TMCC3: variants seen among roughly 807,000 people sequenced by gnomAD.
TMCC3 encodes transmembrane and coiled-coil domain protein 3.
TMCC3 carries 28 observed loss-of-function variants against 40.2 expected under a neutral mutation model. That is an observed-to-expected ratio of 0.70 (90% CI 0.52 to 0.95). TMCC3 has a LOEUF of 0.95. Ranked by LOEUF, TMCC3 falls within the 40% of genes least tolerant of loss-of-function variation. TMCC3 has a pLI of 0.00. For synonymous variants in TMCC3, 255 were observed against 248.5 expected, an observed-to-expected ratio of 1.03 and a Z score of -0.25; for missense variants, 554 against 615.2, an observed-to-expected ratio of 0.90 and a Z score of 1.05.
At chr12:94,633,679 T>C (rs899396328) in intron 1 of TMCC3, among the ~76,000 whole-genome samples, 2 of 152,182 alleles carry the variant, frequency 1.3e-5, no homozygotes, top group Non-Finnish European at 2.9e-5. Flanking sequence ...ACAGCAATCA[T>C]AAACTTAGGA....
intron 1 of TMCC3, chr12:94,590,679 C>A: frequency 3.8e-6 from 1 of 265,384 alleles, no homozygotes. Context: ...CATGGCCCCA[C>A]AGTGGGGTAC....
intron 1 of TMCC3, among the ~76,000 whole-genome samples, chr12:94,588,689 A>AT (rs1362527192): frequency 6.6e-6 from 1 of 152,180 alleles, no homozygotes; most frequent in African/African-American, 2.4e-5. Flanking sequence ...TATCACTGAC[A>AT]TTTTTTACTA....
At chr12:94,600,679 C>A (rs183965941) in intron 1 of TMCC3, among the ~76,000 whole-genome samples, 9 of 152,304 alleles carry the variant, frequency 5.9e-5, no homozygotes, top group Non-Finnish European at 1.2e-4. Flanking sequence ...CCCTTCCGGA[C>A]ACAGCATCTC....
chr12:94,628,474 C>T (rs939072000), intron 1 of TMCC3, among the ~76,000 whole-genome samples: 6 of 152,180 alleles, frequency 3.9e-5, no homozygotes, highest in African/African-American at 7.2e-5. Flanking sequence ...GACAGGCACA[C>T]GGGTTCAATT....
chr12:94,644,113 A>G (rs545182793), intron 1 of TMCC3, among the ~76,000 whole-genome samples: 1 of 152,320 alleles, frequency 6.6e-6, no homozygotes, highest in South Asian at 2.1e-4. Flanking sequence ...TAATCCACAA[A>G]TATACTATGG....
At chr12:94,585,988 A>C (rs1217013732) in intron 1 of TMCC3, among the ~76,000 whole-genome samples, 1 of 152,172 alleles carries the variant, frequency 6.6e-6, no homozygotes, top group African/African-American at 2.4e-5. Context: ...TCTTTATTCC[A>C]AGGAGTCTGC....
rs377150992 is a variant in TMCC3 at position 94,581,692 on chromosome 12, C to T, written c.925G>A (p.Glu309Lys). Reference protein sequence around the residue: ...DTQAQLAEDIEALKVQFKREY... With the variant: ...DTQAQLAEDIKALKVQFKREY... ...CTCTTAAACTGCACCTTCAGTGCCT[C>T]GATGTCCTCAGCCAGCTGAGCTTGG... Residue 309 changes from glutamate to lysine, a missense_variant, in exon 2 of 4, where the codon GAG becomes AAG. By Grantham distance (56) the Glu-to-Lys change is moderately conservative. Coordinates refer to ENST00000261226, the MANE Select transcript of TMCC3 (RefSeq NM_020698.4). The T allele has an allele frequency of 1.9e-5, 31 of 1,614,056 alleles. No homozygotes were observed. Among genetic ancestry groups the T allele is most frequent in the African/African-American group, 1.2e-4 (9 of 74,942 alleles).
At chr12:94,580,128 T>C (rs1254217985) in intron 2 of TMCC3, among the ~76,000 whole-genome samples, 1 of 152,246 alleles carries the variant, frequency 6.6e-6, no homozygotes, top group Non-Finnish European at 1.5e-5. Flanking sequence ...TTTAATGTTA[T>C]AGTATGTAAT....
At chr12:94,612,532 G>A (rs1044437075) in intron 1 of TMCC3, among the ~76,000 whole-genome samples, 2 of 152,026 alleles carry the variant, frequency 1.3e-5, no homozygotes, top group African/African-American at 4.8e-5. Context: ...GGCTGGTCAC[G>A]ATCTCTTGAC....
At chr12:94,650,300 G>A in intron 1 of TMCC3, 53 bp downstream of exon 1, 2 of 1,140,346 alleles carry the variant, frequency 1.8e-6, no homozygotes, top group Non-Finnish European at 1.1e-6. Context: ...GCCCCAGCCC[G>A]CCTCGCCCCC....
intron 1 of TMCC3, among the ~76,000 whole-genome samples, chr12:94,624,205 C>T (rs1328148442): frequency 6.6e-6 from 1 of 152,198 alleles, no homozygotes; most frequent in Non-Finnish European, 1.5e-5. Flanking sequence ...GGTGCAACCA[C>T]TTTGGAAAAC....
At position 94,571,199 on chromosome 12, in the gene TMCC3, T is replaced by C. The variant is rs1343533265; in HGVS notation, c.*236A>G. 2 of 531,128 alleles carry C rather than the reference T, an allele frequency of 3.8e-6. No individual in the cohort carries two copies. Among genetic ancestry groups the C allele is most frequent in the Non-Finnish European group, 6.7e-6 (2 of 298,804 alleles). The allele number at this position is 531,128 out of a possible 1,614,324, so 32.9% of individuals were successfully genotyped here. ...TGGTCAGGTGGGCAGGAAATCGGTCTGATTAAGGCAGTGAGCAAGGTAGGA... is the reference window on the plus strand; with the variant it reads ...TGGTCAGGTGGGCAGGAAATCGGTCCGATTAAGGCAGTGAGCAAGGTAGGA... On this transcript the variant is annotated 3_prime_UTR_variant, in exon 4 of 4. Coordinates refer to ENST00000261226, the MANE Select transcript of TMCC3 (RefSeq NM_020698.4).
chr12:94,626,170 T>C (rs1312579007), intron 1 of TMCC3, among the ~76,000 whole-genome samples: 1 of 152,186 alleles, frequency 6.6e-6, no homozygotes, highest in African/African-American at 2.4e-5. Context: ...TGAGAATTCA[T>C]TCACTATCAC....
chr12:94,632,959 C>T (rs753878733), intron 1 of TMCC3, among the ~76,000 whole-genome samples: 3 of 151,896 alleles, frequency 2.0e-5, no homozygotes, highest in East Asian at 1.9e-4. Flanking sequence ...ATGCAAAATT[C>T]GCTGGGCATG....
intron 1 of TMCC3, among the ~76,000 whole-genome samples, chr12:94,593,964 C>A (rs149148366): frequency 6.6e-6 from 1 of 152,032 alleles, no homozygotes; most frequent in African/African-American, 2.4e-5. Flanking sequence ...AATAGACCAA[C>A]CTTACATGAG....
At chr12:94,606,709 C>A (rs1219994914) in intron 1 of TMCC3, among the ~76,000 whole-genome samples, 5 of 152,026 alleles carry the variant, frequency 3.3e-5, no homozygotes, top group African/African-American at 9.7e-5. Context: ...ACCGTGATGA[C>A]CCCGAGCTGC....
chr12:94,626,741 T>C (rs986357230), intron 1 of TMCC3, among the ~76,000 whole-genome samples: 6 of 152,208 alleles, frequency 3.9e-5, no homozygotes, highest in African/African-American at 1.2e-4. Flanking sequence ...CCAAGCCAGG[T>C]ATGAACTGAG....
intron 3 of TMCC3, among the ~76,000 whole-genome samples, chr12:94,575,573 A>T (rs565467021): frequency 6.6e-6 from 1 of 152,322 alleles, no homozygotes; most frequent in South Asian, 2.1e-4. Flanking sequence ...TGAGTGAGAG[A>T]TGAAACCAGA....
intron 1 of TMCC3, among the ~76,000 whole-genome samples, chr12:94,649,984 C>G (rs1438761893): frequency 1.3e-5 from 2 of 152,182 alleles, no homozygotes; most frequent in Non-Finnish European, 2.9e-5. Flanking sequence ...GGCGAGACCC[C>G]GGAGACCTGG....
Sources: allele counts gnomAD v4.1 joint callset (sites outside exome capture counted in the v4.1 genomes callset), GRCh38; gene constraint gnomAD v4.1.1; transcripts MANE v1.5; gene names NCBI Gene and HGNC (gene_info 2026-07-23, HGNC 2026-07-21).